The following HADHA variants were observed in gnomAD, a reference collection of about 807,000 sequenced individuals.
The protein encoded by HADHA is trifunctional enzyme subunit alpha, mitochondrial.
In HADHA, 59 loss-of-function variants were observed where a neutral mutation model predicts 91.3. The ratio of observed to expected loss-of-function variants is 0.65; its 90% confidence interval spans 0.52 to 0.80. The LOEUF (loss-of-function observed/expected upper bound fraction) is 0.80, where lower values mean the gene tolerates loss of function less well. HADHA is among the 30% of genes least tolerant of loss of function. The pLI, the probability that HADHA is intolerant of heterozygous loss-of-function variation, is 0.00. For missense variants in HADHA, 800 were observed against 927.6 expected (o/e 0.86, Z 1.79); for synonymous variants, 320 against 338.9 (o/e 0.94, Z 0.61).
intron 13 of HADHA, 102 bp from the exon 14 acceptor site, chr2:26,197,879 C>T: frequency 2.7e-6 from 2 of 754,314 alleles, no homozygotes; most frequent in Admixed American, 1.8e-5. Flanking sequence ...CCCACTCTGT[C>T]CCCCACAACT....
In HADHA at chr2:26,192,398, T is replaced by C. The variant is rs545660610; in HGVS notation, c.1912A>G (p.Ile638Val). 3.2e-5 allele frequency: 51 copies of C among 1,601,936 alleles called. No individual in the cohort carries two copies. The highest frequency in any genetic ancestry group is 3.9e-5 in the Non-Finnish European group (46 of 1,168,876). Residue 638 changes from isoleucine to valine, a missense_variant, in exon 18 of 20, where the codon ATC becomes GTC. Coordinates refer to ENST00000380649, the MANE Select transcript of HADHA (RefSeq NM_000182.5). ...LGRKSGKGFY[I>V]YQEGVKRKDL... is the part of the protein sequence containing the mutation. The stretch of plus-strand genomic sequence containing the variant: ...TTCCTCTTCACACCCTCCTGATAGA[T>C]GTAAAAGCCCTTCCCAGATTTACGA...
Position 26,231,595 on chromosome 2 carries a change from A to G in HADHA, c.573+565T>C, listed in dbSNP as rs533675132. On this transcript the variant is annotated intron_variant, in intron 6 of 19. Coordinates refer to ENST00000380649, the MANE Select transcript of HADHA (RefSeq NM_000182.5). ...TGGAAAAGGAACCAATTAAACCATAAGCTCCAGAAATGCAAGACATGCATC... is the reference window on the plus strand; with the variant it reads ...TGGAAAAGGAACCAATTAAACCATAGGCTCCAGAAATGCAAGACATGCATC... 2.0e-4 allele frequency among the ~76,000 whole-genome samples: 30 copies of G among 152,318 alleles called. 1 individual carries two copies. In the South Asian group the frequency reaches 5.8e-3, roughly 29 times the overall value.
At chr2:26,243,448 T>A (rs928462298) in intron 1 of HADHA, among the ~76,000 whole-genome samples, 1 of 152,148 alleles carries the variant, frequency 6.6e-6, no homozygotes, top group Non-Finnish European at 1.5e-5. Context: ...ATTTCAATGT[T>A]CTATAATGTG....
chr2:26,195,104 G>T lies in HADHA; in HGVS notation c.1608C>A (p.Ile536=). The change falls in exon 15 of 20, where the codon ATC becomes ATA. Residue 536 remains isoleucine (I), a synonymous_variant. Transcript: ENST00000380649. ...VAVGLKQGKV[I]IVVKDGPGFY... ...TACAGCCCCTTACCTTAACCACAAT[G>T]ATGACCTTCCCCTGCTTGAGACCAA... 6.2e-7 allele frequency: 1 copy of T among 1,613,378 alleles called. No homozygotes were observed. The highest frequency in any genetic ancestry group is 8.5e-7 in the Non-Finnish European group (1 of 1,179,448).
At chr2:26,220,980 T>C (rs1462902906) in intron 7 of HADHA, among the ~76,000 whole-genome samples, 4 of 152,168 alleles carry the variant, frequency 2.6e-5, no homozygotes, top group East Asian at 3.8e-4. Flanking sequence ...CCTCCCATGT[T>C]AGTGAAATTT....
At chr2:26,211,439 G>A (rs899567938) in intron 10 of HADHA, among the ~76,000 whole-genome samples, 3 of 151,908 alleles carry the variant, frequency 2.0e-5, no homozygotes, top group Admixed American at 6.6e-5. Context: ...ATGATGTCAT[G>A]GGCAAGATAT....
At position 26,192,395 on chromosome 2, in the gene HADHA, A is replaced by C; in HGVS notation, c.1915T>G (p.Tyr639Asp). 1 of 1,603,088 alleles carries C rather than the reference A, an allele frequency of 6.2e-7. No individual in the cohort carries two copies. The highest frequency in any genetic ancestry group is 8.5e-7 in the Non-Finnish European group (1 of 1,169,964). The change falls in exon 18 of 20, where the codon TAT becomes GAT. Residue 639 changes from tyrosine (Y) to aspartate (D), a missense_variant. Transcript: ENST00000380649. Reference sequence around the variant, plus strand: ...TCCTTCCTCTTCACACCCTCCTGATAGATGTAAAAGCCCTTCCCAGATTTA... The same window carrying C: ...TCCTTCCTCTTCACACCCTCCTGATCGATGTAAAAGCCCTTCCCAGATTTA... ...GRKSGKGFYI[Y>D]QEGVKRKDLN...
chr2:26,205,320 T>C (rs1045724279), intron 11 of HADHA, among the ~76,000 whole-genome samples: 3 of 152,234 alleles, frequency 2.0e-5, no homozygotes, highest in Admixed American at 2.0e-4. Flanking sequence ...ACCATTCTGA[T>C]TGTAATGTTC....
At chr2:26,205,375 C>T (rs1401937151) in intron 11 of HADHA, among the ~76,000 whole-genome samples, 1 of 152,080 alleles carries the variant, frequency 6.6e-6, no homozygotes, top group African/African-American at 2.4e-5. Flanking sequence ...ACTTCAAGTC[C>T]TAGGAGCATC....
intron 1 of HADHA, among the ~76,000 whole-genome samples, chr2:26,239,382 G>C (rs1014261443): frequency 1.3e-5 from 2 of 152,198 alleles, no homozygotes; most frequent in African/African-American, 4.8e-5. Context: ...CCCAGAACCT[G>C]TGAATATGTT....
rs886601032 is a variant in HADHA, at chr2:26,209,993, G to A, written c.976-104C>T. On this transcript the variant is annotated intron_variant, in intron 10 of 19. Coordinates refer to ENST00000380649, the MANE Select transcript of HADHA (RefSeq NM_000182.5). ...GAAGAGCAGAGGTAATGCATGTGAA[G>A]CCTGAGTCCCTGGGGATGCGGGGGA... 2.6e-5 allele frequency: 20 copies of A among 766,314 alleles called. No homozygotes were observed. In the African/African-American group the frequency reaches 2.7e-4, roughly 10 times the overall value. The allele number at this position is 766,314 out of a possible 1,614,324, so 47.5% of individuals were successfully genotyped here.
At chr2:26,239,907 G>A (rs1670850992) in intron 1 of HADHA, among the ~76,000 whole-genome samples, 1 of 152,160 alleles carries the variant, frequency 6.6e-6, no homozygotes, top group African/African-American at 2.4e-5. Flanking sequence ...TCTCTTACAA[G>A]TGAACTTCAG....
chr2:26,230,179 T>A lies in HADHA; in HGVS notation c.676+13A>T. The A allele has an allele frequency of 6.7e-7, 1 of 1,491,836 alleles. No homozygotes were observed. The highest frequency in any genetic ancestry group is 9.4e-7 in the Non-Finnish European group (1 of 1,068,404). The allele number at this position is 1,491,836 out of a possible 1,614,324, so 92.4% of individuals were successfully genotyped here. A position where few individuals can be genotyped will look rare whatever the true frequency, so the allele number is the denominator to read the frequency against. ...CTTTATAAGGTCTGACTCTGAGATG[T>A]GCTAACACTTACCCAGGGGTTCCAC... On this transcript the variant is annotated intron_variant, in intron 7 of 19. Transcript: ENST00000380649.
At chr2:26,213,699 A>G (rs1670155021) in intron 9 of HADHA, among the ~76,000 whole-genome samples, 1 of 152,130 alleles carries the variant, frequency 6.6e-6, no homozygotes, top group African/African-American at 2.4e-5. Flanking sequence ...TCTGGCATTA[A>G]TCTTATGCTG....
intron 4 of HADHA, among the ~76,000 whole-genome samples, chr2:26,236,200 T>C (rs1670747166): frequency 6.6e-6 from 1 of 152,186 alleles, no homozygotes; most frequent in South Asian, 2.1e-4. Context: ...ATTGTGTGAA[T>C]AGTCCACATT....
chr2:26,212,623 C>T lies in HADHA; in HGVS notation c.922G>A (p.Val308Ile), dbSNP rs757318382. Residue 308 changes from valine (V) to isoleucine (I), a missense_variant, in exon 10 of 20, where the codon GTA (valine) becomes ATA (isoleucine). Physicochemically the swap from Val to Ile is conservative, Grantham distance 29. Transcript: ENST00000380649. The part of the protein sequence containing the change: ...YPAPLKIIDV[V>I]KTGIEQGSDA... Reference sequence around the variant, plus strand: ...CTCCCTTGCTCAATTCCAGTCTTTACCACCTAAAAAACATATAAAGCACTT... The same window carrying T: ...CTCCCTTGCTCAATTCCAGTCTTTATCACCTAAAAAACATATAAAGCACTT... 2 of 1,595,022 alleles carry T rather than the reference C, an allele frequency of 1.3e-6. No homozygotes were observed. Among genetic ancestry groups the T allele is most frequent in the Non-Finnish European group, 8.6e-7 (1 of 1,162,740 alleles).
chr2:26,195,471 TCCTC>T (rs1157535113), intron 14 of HADHA, among the ~76,000 whole-genome samples: 1 of 151,866 alleles, frequency 6.6e-6, no homozygotes, highest in Non-Finnish European at 1.5e-5. Flanking sequence ...AGACATCTGA[TCCTC>T]CCAACAATCA....
intron 11 of HADHA, among the ~76,000 whole-genome samples, chr2:26,204,710 A>C (rs1264553680): frequency 6.6e-6 from 1 of 152,028 alleles, no homozygotes; most frequent in Non-Finnish European, 1.5e-5. Flanking sequence ...CAGTCTCCTG[A>C]GTAGCTCGGA....
chr2:26,206,448 C>T (rs761270294), intron 11 of HADHA, among the ~76,000 whole-genome samples: 12 of 151,964 alleles, frequency 7.9e-5, no homozygotes, highest in African/African-American at 1.7e-4. Context: ...AGGCTGGTCT[C>T]GAACTCCTGA....
Sources: allele counts gnomAD v4.1 joint callset (sites outside exome capture counted in the v4.1 genomes callset), GRCh38; gene constraint gnomAD v4.1.1; transcripts MANE v1.5; gene names NCBI Gene and HGNC (gene_info 2026-07-23, HGNC 2026-07-21).